Variants in FANCD2 observed in about 807,000 individuals in gnomAD.
FANCD2 encodes the protein FA complementation group D2, also known as Fanconi anemia group D2 protein.
In FANCD2, 131 loss-of-function variants were observed where a neutral mutation model predicts 192.3. The observed-to-expected ratio is 0.68, with a 90% CI of 0.59 to 0.79. FANCD2 has a LOEUF of 0.79. FANCD2 is among the 30% of genes least tolerant of loss of function. FANCD2 has a pLI of 0.00. For synonymous variants in FANCD2, 524 were observed against 612.5 expected, an observed-to-expected ratio of 0.86 and a Z score of 2.13; for missense variants, 1,508 against 1,701.6, an observed-to-expected ratio of 0.89 and a Z score of 2.00.
chr3:10,088,719 C>G lies in FANCD2; in HGVS notation c.3561-109C>G, dbSNP rs1221166984. On this transcript the variant is annotated intron_variant, in intron 35 of 43. Coordinates refer to ENST00000675286, the MANE Select transcript of FANCD2 (RefSeq NM_001018115.3). ...TAAGATCCTCTGGTTCTGTTTTATA[C>G]TGTTAGCTAACTGCTTATTGTTAAT... The G allele has an allele frequency of 2.4e-6, 3 of 1,261,652 alleles. No homozygotes were observed. In the African/African-American group the frequency reaches 4.4e-5, roughly 19 times the overall value. 78.2% of individuals were successfully genotyped at this position (1,261,652 alleles called of 1,614,324 possible).
At chr3:10,029,839 A>C (rs922918362) in intron 2 of FANCD2, among the ~76,000 whole-genome samples, 1 of 152,180 alleles carries the variant, frequency 6.6e-6, no homozygotes, top group East Asian at 1.9e-4. Flanking sequence ...GCTGGAGTGC[A>C]GTGGCACAAT....
intron 18 of FANCD2, among the ~76,000 whole-genome samples, chr3:10,054,395 ACG>A: frequency 1.8e-5 from 2 of 108,134 alleles, no homozygotes; most frequent in African/African-American, 4.6e-5. Flanking sequence ...ATATGTATAT[ACG>A]TATATGTATA....
chr3:10,067,814 A>G (rs1227470103), intron 26 of FANCD2, among the ~76,000 whole-genome samples: 1 of 152,210 alleles, frequency 6.6e-6, no homozygotes, highest in Non-Finnish European at 1.5e-5. Flanking sequence ...CAAACAAAAG[A>G]AAGATTATTC....
At chr3:10,051,396 AAAAAAAAAAAACAAAAAG>A (rs1254953455) in intron 17 of FANCD2, among the ~76,000 whole-genome samples, 8 of 10,158 alleles carry the variant, frequency 7.9e-4, no homozygotes, top group Middle Eastern at 0.038. Context: ...AAAAAAAAAA[AAAAAAAAAAAACAAAAAG>A]GAGTGAGGGA....
At position 10,042,556 on chromosome 3, in the gene FANCD2, T is replaced by G. The variant is rs2086891718; in HGVS notation, c.784-3T>G. 1 of 1,612,424 alleles carries G rather than the reference T, an allele frequency of 6.2e-7. No individual in the cohort carries two copies. The highest frequency in any genetic ancestry group is 8.5e-7 in the Non-Finnish European group (1 of 1,178,450). The stretch of plus-strand genomic sequence containing the variant: ...ATTAAGTTTCTGTGCTTTTAATTTT[T>G]AGGTTCGCCAGTTGGTGATGGATAA... On this transcript the variant is annotated splice_region_variant and splice_polypyrimidine_tract_variant and intron_variant, in intron 10 of 43. Transcript: ENST00000675286.
At chr3:10,098,626 C>A in intron 42 of FANCD2, 94 bp from the exon 43 acceptor site, 1 of 1,478,016 alleles carries the variant, frequency 6.8e-7, no homozygotes, top group Non-Finnish European at 9.2e-7. Flanking sequence ...GCTAAAATAT[C>A]TTCCTTTGTA....
chr3:10,033,048 A>C, intron 3 of FANCD2, 76 bp downstream of exon 3: 1 of 1,188,540 alleles, frequency 8.4e-7, no homozygotes, highest in South Asian at 1.3e-5. Context: ...TTCTAAATAG[A>C]GAGGCAATGA....
chr3:10,086,675 C>A (rs143915539), intron 33 of FANCD2, among the ~76,000 whole-genome samples: 1 of 152,098 alleles, frequency 6.6e-6, no homozygotes, highest in African/African-American at 2.4e-5. Flanking sequence ...GAGATGTTTT[C>A]GACATGTGGC....
intron 15 of FANCD2, among the ~76,000 whole-genome samples, chr3:10,046,955 T>A (rs556259383): frequency 6.6e-6 from 1 of 152,304 alleles, no homozygotes; most frequent in African/African-American, 2.4e-5. Flanking sequence ...AGGACCAGCC[T>A]GTAGAAACTA....
Position 10,073,049 on chromosome 3 carries a change from T to G in FANCD2, c.2605+68T>G, listed in dbSNP as rs548693888. 4.2e-6 allele frequency: 4 copies of G among 955,064 alleles called. No individual in the cohort carries two copies. The East Asian group carries it at 7.6e-5, about 18-fold the overall frequency. 59.2% of individuals were successfully genotyped at this position (955,064 alleles called of 1,614,324 possible). A position where few individuals can be genotyped will look rare whatever the true frequency, so the allele number is the denominator to read the frequency against. On this transcript the variant is annotated intron_variant, in intron 27 of 43. Coordinates refer to ENST00000675286, the MANE Select transcript of FANCD2 (RefSeq NM_001018115.3). The stretch of plus-strand genomic sequence containing the variant: ...CTTCATTGAATTAACCTAAAAGTTA[T>G]GTGTATCATGGCATCAGTAATTGGA...
chr3:10,085,127 C>CA (rs1694104282), intron 32 of FANCD2, among the ~76,000 whole-genome samples: 1 of 152,112 alleles, frequency 6.6e-6, no homozygotes, highest in Non-Finnish European at 1.5e-5. Context: ...AGCAGTTTGA[C>CA]AAAATTATTC....
chr3:10,067,916 G>T (rs2087765684), intron 26 of FANCD2, among the ~76,000 whole-genome samples: 2 of 151,956 alleles, frequency 1.3e-5, no homozygotes, highest in Non-Finnish European at 2.9e-5. Context: ...CAGAATGAAG[G>T]ACAAAAACCA....
Position 10,088,828 on chromosome 3 carries a change from T to C in FANCD2, c.3561T>C (p.Cys1187=), listed in dbSNP as rs1351479234. ...ISNDQLHALL[C]IYLEHTESIL... The stretch of plus-strand genomic sequence containing the variant: ...GTCAAATATTTGACTCTCAATGCAG[T>C]ATCTACCTGGAGCACACAGAGAGCA... The change falls in exon 36 of 44, where the codon TGT becomes TGC. Residue 1187 remains cysteine (C), a splice_region_variant and synonymous_variant. Coordinates refer to ENST00000675286, the MANE Select transcript of FANCD2 (RefSeq NM_001018115.3). 6.2e-7 allele frequency: 1 copy of C among 1,614,100 alleles called. No individual in the cohort carries two copies.
chr3:10,048,490 A>T (rs546037631), intron 16 of FANCD2, among the ~76,000 whole-genome samples: 26 of 152,282 alleles, frequency 1.7e-4, no homozygotes, highest in African/African-American at 6.3e-4. Context: ...TTTTTAGTAG[A>T]CACAGCGTTT....
chr3:10,093,052 T>C (rs1235805629), intron 38 of FANCD2, among the ~76,000 whole-genome samples: 1 of 152,160 alleles, frequency 6.6e-6, no homozygotes, highest in Admixed American at 6.6e-5. Context: ...TGCCATCTTC[T>C]CAACACTCCC....
chr3:10,095,926 G>A (rs1271415931), intron 41 of FANCD2, among the ~76,000 whole-genome samples: 1 of 142,888 alleles, frequency 7.0e-6, no homozygotes, highest in Non-Finnish European at 1.5e-5. Flanking sequence ...TTGTAGCCCA[G>A]GCCGGAGTGC....
chr3:10,051,151 T>C (rs13319477), intron 17 of FANCD2, among the ~76,000 whole-genome samples: 34,075 of 148,300 alleles, frequency 0.23, 5,187 homozygotes, highest in African/African-American at 0.44. Flanking sequence ...GAGGCCGAGG[T>C]GGGCGGATCA....
rs2125036351 is a variant in FANCD2 at position 10,065,391 on chromosome 3, C to T, written c.2169-3C>T. 1 of 1,604,156 alleles carries T rather than the reference C, an allele frequency of 6.2e-7. No homozygotes were observed. The highest frequency in any genetic ancestry group is 8.5e-7 in the Non-Finnish European group (1 of 1,170,922). On this transcript the variant is annotated splice_polypyrimidine_tract_variant and splice_region_variant and intron_variant, in intron 23 of 43. Coordinates refer to ENST00000675286, the MANE Select transcript of FANCD2 (RefSeq NM_001018115.3). ...GGTCTAGAAATTTATTTCTCCTTCT[C>T]AGATTGGTGTCTCCGCTGTGCCTGG...
Position 10,068,311 on chromosome 3 carries a change from A to G in FANCD2, c.2494+994A>G, listed in dbSNP as rs918312032. 1.7e-4 allele frequency among the ~76,000 whole-genome samples: 26 copies of G among 152,202 alleles called. 1 individual carries two copies. On this transcript the variant is annotated intron_variant, in intron 26 of 43. Transcript: ENST00000675286. ...TTGCAAGATACAAAATCATCATATA[A>G]AAATGAGTAGCATTTCTGTATGCCA...
Sources: gnomAD v4.1 joint callset for allele counts (sites outside exome capture counted in the v4.1 genomes callset) on GRCh38, gnomAD v4.1.1 for gene constraint, MANE v1.5 for transcripts, NCBI Gene and HGNC (gene_info 2026-07-23, HGNC 2026-07-21) for gene names.